The following CFAP65 variants were observed in gnomAD, a reference collection of about 807,000 sequenced individuals.
CFAP65 encodes cilia and flagella associated protein 65, also known as cilia- and flagella-associated protein 65.
Under a neutral mutation model 208.0 loss-of-function variants are expected in CFAP65, and 155 were observed. The ratio of observed to expected loss-of-function variants is 0.75; its 90% confidence interval spans 0.65 to 0.85. The LOEUF is 0.85. Among genes scored for constraint, CFAP65 ranks in the 40% least tolerant of loss-of-function variants. The pLI, the probability that CFAP65 is intolerant of heterozygous loss-of-function variation, is 0.00. For synonymous variants in CFAP65, 970 were observed against 986.3 expected (o/e 0.98, Z 0.31); for missense variants, 2,294 against 2,451.3 (o/e 0.94, Z 1.36).
chr2:219,018,252 A>G (rs2106154007), intron 21 of CFAP65: 1 of 152,378 alleles, frequency 6.6e-6, no homozygotes, highest in South Asian at 2.1e-4. Flanking sequence ...TTAGCCAAGC[A>G]AAGTTGGAAG....
chr2:219,023,006 G>C (rs140178629), intron 16 of CFAP65, among the ~76,000 whole-genome samples: 41 of 152,310 alleles, frequency 2.7e-4, no homozygotes, highest in African/African-American at 8.9e-4. Context: ...CTTAGTAAAT[G>C]GCTTCCCCTT....
At chr2:219,029,931 A>C in intron 10 of CFAP65, 55 bp downstream of exon 10, 1 of 1,535,910 alleles carries the variant, frequency 6.5e-7, no homozygotes, top group Non-Finnish European at 9.0e-7. Flanking sequence ...GCTCTTCAGA[A>C]TCCTCAGCAG....
chr2:219,028,637 C>T (rs1164090551), intron 11 of CFAP65, among the ~76,000 whole-genome samples: 1 of 152,042 alleles, frequency 6.6e-6, no homozygotes. Flanking sequence ...CAGCCATTAC[C>T]CACCCTTCCT....
rs371746617 is a variant in CFAP65, at chr2:219,015,898, G to A, written c.3603-1854C>T. Among the ~76,000 whole-genome samples, 173 of 152,312 alleles carry A rather than the reference G, an allele frequency of 1.1e-3. 1 individual carries two copies. Among genetic ancestry groups the A allele is most frequent in the South Asian group, 7.5e-3 (36 of 4,832 alleles). On this transcript the variant is annotated intron_variant, in intron 21 of 34. Coordinates refer to ENST00000341552, the MANE Select transcript of CFAP65 (RefSeq NM_194302.4). ...CGTTAGATATATGTATTGATCTAAA[G>A]GAGATGTTATTGATATAATGCTGAG...
At chr2:219,029,716 A>G in intron 10 of CFAP65, 48 bp from the exon 11 acceptor site, 2 of 1,589,404 alleles carry the variant, frequency 1.3e-6, no homozygotes, top group Non-Finnish European at 1.7e-6. Context: ...TATCTTAGAC[A>G]AAGTTCCACT....
At chr2:219,019,268 C>A in intron 20 of CFAP65, 89 bp from the exon 21 acceptor site, 1 of 1,473,396 alleles carries the variant, frequency 6.8e-7, no homozygotes, top group Non-Finnish European at 9.2e-7. Context: ...ACTCCCCTCC[C>A]TCCAAGTGGG....
At position 219,021,827 on chromosome 2, in the gene CFAP65, A is replaced by G; in HGVS notation, c.3083T>C (p.Leu1028Pro). The change falls in exon 18 of 35, where the codon CTC (leucine) becomes CCC (proline). Residue 1028 changes from leucine (L) to proline (P), a missense_variant. Physicochemically the swap from Leu to Pro is moderately conservative, Grantham distance 98. Coordinates refer to ENST00000341552, the MANE Select transcript of CFAP65 (RefSeq NM_194302.4). Reference sequence around the variant, plus strand: ...CTCAGGGCTGCCCTGCTCCAGGTAGAGGCGGTAATAGAGGGTGCAGTTGCC... The same window carrying G: ...CTCAGGGCTGCCCTGCTCCAGGTAGGGGCGGTAATAGAGGGTGCAGTTGCC... ...NDGNCTLYYR[L>P]YLEQGSPEAV... The G allele has an allele frequency of 1.9e-6, 3 of 1,613,766 alleles. No homozygotes were observed. The highest frequency in any genetic ancestry group is 3.3e-5 in the Admixed American group (2 of 60,022).
chr2:219,027,616 C>A, intron 13 of CFAP65, 34 bp downstream of exon 13: 2 of 1,613,378 alleles, frequency 1.2e-6, no homozygotes, highest in Non-Finnish European at 1.7e-6. Context: ...CTAGCAGAGA[C>A]CCCGCATTCC....
Position 219,024,045 on chromosome 2 carries a change from C to G in CFAP65, c.2565G>C (p.Leu855=). ...GSSWKQHTFY[L]QCNASPQYLK... ...GATACTGGGGGGAAGCATTGCACTG[C>G]AGATAGAAAGTGTGCTGCTTCCAGG... Residue 855 remains leucine, a synonymous_variant, in exon 15 of 35, where the codon CTG becomes CTC. Coordinates refer to ENST00000341552, the MANE Select transcript of CFAP65 (RefSeq NM_194302.4). 6.2e-7 allele frequency: 1 copy of G among 1,613,978 alleles called. No homozygotes were observed. Among genetic ancestry groups the G allele is most frequent in the South Asian group, 1.1e-5 (1 of 91,080 alleles).
chr2:219,040,655 G>A, intron 1 of CFAP65, 91 bp from the exon 2 acceptor site: 2 of 1,545,968 alleles, frequency 1.3e-6, no homozygotes, highest in Non-Finnish European at 8.7e-7. Flanking sequence ...GACCTCAGGG[G>A]ACTGTACAGA....
chr2:219,013,568 G>A lies in CFAP65; in HGVS notation c.3797C>T (p.Thr1266Ile). Residue 1266 changes from threonine to isoleucine, a missense_variant, in exon 23 of 35, where the codon ACT (threonine) becomes ATT (isoleucine). Transcript: ENST00000341552. ...ELKYSHLFIG[T>I]DHLPVLFKVS... is the part of the protein sequence containing the mutation. The stretch of plus-strand genomic sequence containing the variant: ...CTTGAAGAGCACTGGGAGGTGATCA[G>A]TACCGATGAACAGGTGGCTAGAAAG... The A allele has an allele frequency of 6.2e-7, 1 of 1,600,730 alleles. No individual in the cohort carries two copies. The highest frequency in any genetic ancestry group is 1.1e-5 in the South Asian group (1 of 87,982).
intron 11 of CFAP65, 138 bp from the exon 12 acceptor site, chr2:219,028,539 G>A (rs966414378): frequency 4.1e-6 from 3 of 729,606 alleles, no homozygotes; most frequent in Admixed American, 4.2e-5. Flanking sequence ...TGGCCAGTGA[G>A]CAAGCACTCA....
chr2:219,014,703 G>A (rs967891570), intron 21 of CFAP65: 1 of 152,536 alleles, frequency 6.6e-6, no homozygotes, highest in African/African-American at 2.4e-5. Context: ...ATACGATAGG[G>A]AGCATCCAGA....
In CFAP65 at chr2:219,030,707, C is replaced by A. The variant is rs1947958599; in HGVS notation, c.1143G>T (p.Arg381Ser). ...AVGCTSERQI[R>S]LHNPSAVNAP... ...TGCCTACCGCCGACGGGTTGTGTAG[C>A]CTGATCTGCCTCTCCGAGGTGCAGC... Residue 381 changes from arginine to serine, a missense_variant, in exon 9 of 35, where the codon AGG becomes AGT. Physicochemically the swap from Arg to Ser is moderately radical, Grantham distance 110. This residue lies in a region of CFAP65 where 867 missense variants were observed against 1,012.6 expected (regional missense o/e 0.86). Coordinates refer to ENST00000341552, the MANE Select transcript of CFAP65 (RefSeq NM_194302.4). 1 of 1,614,034 alleles carries A rather than the reference C, an allele frequency of 6.2e-7. No homozygotes were observed. The highest frequency in any genetic ancestry group is 8.5e-7 in the Non-Finnish European group (1 of 1,179,882).
rs543452368 is a variant in CFAP65, at chr2:219,027,947, G to A, written c.1914C>T (p.Phe638=). The part of the protein sequence containing the change: ...PYIPPMTEFF[F]DGTSDITIFP... ...AGATGGTTATGTCGCTGGTGCCGTC[G>A]AAGAAGAACTCGGTCATGGGGGGGA... Residue 638 remains phenylalanine (F), a synonymous_variant, in exon 13 of 35, where the codon TTC becomes TTT. Coordinates refer to ENST00000341552, the MANE Select transcript of CFAP65 (RefSeq NM_194302.4). The A allele has an allele frequency of 1.1e-5, 17 of 1,520,294 alleles. No individual in the cohort carries two copies. The highest frequency in any genetic ancestry group is 4.4e-5 in the Admixed American group (2 of 45,788). The allele number at this position is 1,520,294 out of a possible 1,614,324, so 94.2% of individuals were successfully genotyped here. A position where few individuals can be genotyped will look rare whatever the true frequency, so the allele number is the denominator to read the frequency against.
chr2:219,005,632 G>A, intron 31 of CFAP65, 70 bp from the exon 32 acceptor site: 2 of 1,576,524 alleles, frequency 1.3e-6, no homozygotes, highest in Non-Finnish European at 1.7e-6. Context: ...ACAAGCAGTG[G>A]TGGTAGCTGC....
chr2:219,005,523 C>T lies in CFAP65; in HGVS notation c.4962G>A (p.Glu1654=), dbSNP rs752664112. ...TGTTAGGGGATTTTTCCTCAGAAGT[C>T]TCTGACTCTTCCCTGGGGGCCTTCC... ...PKRKAPREES[E]TSEEKSPNKW... Residue 1654 remains glutamate, a synonymous_variant, in exon 32 of 35, where the codon GAG becomes GAA. Coordinates refer to ENST00000341552, the MANE Select transcript of CFAP65 (RefSeq NM_194302.4). 1.2e-6 allele frequency: 2 copies of T among 1,613,018 alleles called. No homozygotes were observed. Among genetic ancestry groups the T allele is most frequent in the Non-Finnish European group, 1.7e-6 (2 of 1,179,956 alleles).
rs767163194 is a variant in CFAP65 at position 219,026,153 on chromosome 2, G to T, written c.2218C>A (p.Gln740Lys). ...LEAFAIYKVL[Q>K]SYSNIEEDCT... Reference sequence around the variant, plus strand: ...TCCTCCTCAATATTACTGTAGCTCTGCAGGACCTGCAGAGGGGCCAGACCC... The same window carrying T: ...TCCTCCTCAATATTACTGTAGCTCTTCAGGACCTGCAGAGGGGCCAGACCC... The change falls in exon 14 of 35, where the codon CAG (glutamine) becomes AAG (lysine). Residue 740 changes from glutamine (Q) to lysine (K), a missense_variant. By Grantham distance (53) the Gln-to-Lys change is moderately conservative. Coordinates refer to ENST00000341552, the MANE Select transcript of CFAP65 (RefSeq NM_194302.4). 7.5e-6 allele frequency: 12 copies of T among 1,610,406 alleles called. No individual in the cohort carries two copies. In the South Asian group the frequency reaches 1.3e-4, roughly 18 times the overall value.
In CFAP65 at chr2:219,021,318, G is replaced by A. The variant is rs758683097; in HGVS notation, c.3131-38C>T. On this transcript the variant is annotated intron_variant, in intron 18 of 34. Transcript: ENST00000341552. ...GATGCCGGAGGGTCAGTGGGTAGAG[G>A]AGGCCCAGCCATTCCTCCTGCTCCT... is the stretch of plus-strand genomic sequence containing the variant. 59 of 1,525,182 alleles carry A rather than the reference G, an allele frequency of 3.9e-5. No homozygotes were observed. The South Asian group carries it at 5.9e-4, about 15-fold the overall frequency. 94.5% of individuals were successfully genotyped at this position (1,525,182 alleles called of 1,614,324 possible).
Sources: gnomAD v4.1 joint callset for allele counts (sites outside exome capture counted in the v4.1 genomes callset) on GRCh38, gnomAD v4.1.1 for gene constraint, gnomAD v4.1.1 regional missense constraint, MANE v1.5 for transcripts, NCBI Gene and HGNC (gene_info 2026-07-23, HGNC 2026-07-21) for gene names.